The following SLC1A2 variants were observed in gnomAD, a reference collection of about 807,000 sequenced individuals.
The protein encoded by SLC1A2 is excitatory amino acid transporter 2.
A neutral mutation model predicts 48.8 loss-of-function variants in SLC1A2; 15 were observed. The ratio of observed to expected loss-of-function variants is 0.31; its 90% CI spans 0.21 to 0.47. SLC1A2 has a LOEUF of 0.47. Ranked by LOEUF, SLC1A2 falls within the 20% of genes least tolerant of loss-of-function variation. SLC1A2 has a pLI of 0.99. For synonymous variants in SLC1A2, 279 were observed against 272.6 expected (o/e 1.02, Z -0.23); for missense variants, 502 against 730.5 (o/e 0.69, Z 3.61).
chr11:35,306,574 CA>C (rs1591452037), intron 4 of SLC1A2, among the ~76,000 whole-genome samples: 2 of 152,118 alleles, frequency 1.3e-5, no homozygotes, highest in East Asian at 3.9e-4. Flanking sequence ...CATCTGAGTA[CA>C]ATGCATTTTT....
rs1950472125 is a variant in SLC1A2 at position 35,265,737 on chromosome 11, G to C, written c.1443C>G (p.Val481=). 1 of 1,612,594 alleles carries C rather than the reference G, an allele frequency of 6.2e-7. No individual in the cohort carries two copies. The highest frequency in any genetic ancestry group is 2.2e-5 in the East Asian group (1 of 44,886). The part of the protein sequence containing the change: ...DWLLDRMRTS[V]NVVGDSFGAG... ...CCCCAAAAGAGTCACCCACAACATT[G>C]ACTGAAGTTCTCATCCTGTCCCTGG... The change falls in exon 10 of 11, where the codon GTC becomes GTG. Residue 481 remains valine (V), a synonymous_variant. Transcript: ENST00000278379.
chr11:35,281,099 T>C, intron 8 of SLC1A2, 98 bp from the exon 9 acceptor site: 1 of 1,430,966 alleles, frequency 7.0e-7, no homozygotes, highest in Non-Finnish European at 9.2e-7. Context: ...AGCCATAAAA[T>C]TCATCCCCCA....
chr11:35,252,182 G>A lies in SLC1A2; in HGVS notation c.*8712C>T, dbSNP rs547850621. On this transcript the variant is annotated 3_prime_UTR_variant, in exon 11 of 11. Transcript: ENST00000278379. ...CTTTCGTAGGGTTTCACCTGCAGATGCATTTGCAGTTAGTTAGTCAGCAAT... is the reference window on the plus strand; with the variant it reads ...CTTTCGTAGGGTTTCACCTGCAGATACATTTGCAGTTAGTTAGTCAGCAAT... 2.0e-5 allele frequency: 3 copies of A among 152,596 alleles called. No individual in the cohort carries two copies. The highest frequency in any genetic ancestry group is 4.1e-4 in the South Asian group (2 of 4,832). 9.5% of individuals were successfully genotyped at this position (152,596 alleles called of 1,614,324 possible). A position where few individuals can be genotyped will look rare whatever the true frequency, so the allele number is the denominator to read the frequency against.
At chr11:35,344,616 C>T (rs1852962103) in intron 1 of SLC1A2, among the ~76,000 whole-genome samples, 1 of 152,164 alleles carries the variant, frequency 6.6e-6, no homozygotes, top group Non-Finnish European at 1.5e-5. Context: ...CTACTCCAAC[C>T]AGTTGTTGCT....
chr11:35,407,539 C>T (rs1855335908), intron 1 of SLC1A2, among the ~76,000 whole-genome samples: 1 of 152,210 alleles, frequency 6.6e-6, no homozygotes, highest in Non-Finnish European at 1.5e-5. Context: ...CTCTTGACTA[C>T]CATTTATGGA....
At chr11:35,285,393 CAA>C (rs948457352) in intron 8 of SLC1A2, 26 of 152,210 alleles carry the variant, frequency 1.7e-4, no homozygotes, top group African/African-American at 5.3e-4. Context: ...TCAGAGGAAC[CAA>C]AGAGTGGAGT....
At chr11:35,366,578 G>A (rs1275330796) in intron 1 of SLC1A2, among the ~76,000 whole-genome samples, 1 of 152,168 alleles carries the variant, frequency 6.6e-6, no homozygotes, top group East Asian at 1.9e-4. Context: ...GTCCACAGTG[G>A]TAGCTAGCTT....
chr11:35,265,464 T>TC (rs1297283435), intron 10 of SLC1A2, 63 bp downstream of exon 10: 1 of 853,564 alleles, frequency 1.2e-6, no homozygotes, highest in East Asian at 2.4e-5. Flanking sequence ...TTTTTTTTTT[T>TC]TTAAAGAAAT....
In SLC1A2 at chr11:35,265,663, G is replaced by A. The variant is rs1950470694; in HGVS notation, c.1517C>T (p.Ser506Phe). ...LSKSELDTID[S>F]QHRVHEDIEM... ...AATATCTTCATGCACTCGATGCTGGGAGTCAATGGTATCCAGCTCAGACTT... is the reference window on the plus strand; with the variant it reads ...AATATCTTCATGCACTCGATGCTGGAAGTCAATGGTATCCAGCTCAGACTT... Residue 506 changes from serine to phenylalanine, a missense_variant, in exon 10 of 11, where the codon TCC (serine) becomes TTC (phenylalanine). Transcript: ENST00000278379. 6.2e-7 allele frequency: 1 copy of A among 1,612,710 alleles called. No homozygotes were observed. Among genetic ancestry groups the A allele is most frequent in the African/African-American group, 1.3e-5 (1 of 74,902 alleles).
intron 1 of SLC1A2, among the ~76,000 whole-genome samples, chr11:35,328,302 C>T (rs1334491597): frequency 6.6e-6 from 1 of 152,206 alleles, no homozygotes; most frequent in Non-Finnish European, 1.5e-5. Context: ...ACTCCCCCAT[C>T]AGAGGGACCC....
intron 9 of SLC1A2, among the ~76,000 whole-genome samples, chr11:35,273,425 T>C (rs1359306555): frequency 6.6e-6 from 1 of 152,172 alleles, no homozygotes; most frequent in African/African-American, 2.4e-5. Context: ...AGCTTTCTCA[T>C]TCGTAACATA....
chr11:35,254,525 C>T lies in SLC1A2; in HGVS notation c.*6369G>A. On this transcript the variant is annotated 3_prime_UTR_variant, in exon 11 of 11. Coordinates refer to ENST00000278379, the MANE Select transcript of SLC1A2 (RefSeq NM_004171.4). Reference sequence around the variant, plus strand: ...TCCTTGGCTAGTGTGTGTATTTGCCCCCTAGCAAAGGCAACAGGCTGTTTC... The same window carrying T: ...TCCTTGGCTAGTGTGTGTATTTGCCTCCTAGCAAAGGCAACAGGCTGTTTC... 3.4e-6 allele frequency: 1 copy of T among 292,380 alleles called. No homozygotes were observed. The highest frequency in any genetic ancestry group is 6.7e-6 in the Non-Finnish European group (1 of 149,406). The allele number at this position is 292,380 out of a possible 1,614,324, so 18.1% of individuals were successfully genotyped here. A position where few individuals can be genotyped will look rare whatever the true frequency, so the allele number is the denominator to read the frequency against.
intron 7 of SLC1A2, among the ~76,000 whole-genome samples, chr11:35,289,097 T>C (rs971875040): frequency 6.6e-5 from 10 of 152,210 alleles, no homozygotes; most frequent in Non-Finnish European, 1.3e-4. Flanking sequence ...TTCTTTTGTT[T>C]TTTAAGTATT....
intron 1 of SLC1A2, chr11:35,322,732 G>A (rs1398876573): frequency 9.9e-7 from 1 of 1,007,446 alleles, no homozygotes; most frequent in Admixed American, 2.0e-5. Flanking sequence ...CCGTAAGACA[G>A]TTGTTGTATT....
intron 1 of SLC1A2, among the ~76,000 whole-genome samples, chr11:35,362,156 C>A (rs563977644): frequency 6.6e-6 from 1 of 152,184 alleles, no homozygotes; most frequent in South Asian, 2.1e-4. Context: ...CTACCCCAGA[C>A]AGCAGATGCC....
At chr11:35,280,135 T>C (rs1349997459) in intron 9 of SLC1A2, among the ~76,000 whole-genome samples, 1 of 152,142 alleles carries the variant, frequency 6.6e-6, no homozygotes, top group Non-Finnish European at 1.5e-5. Flanking sequence ...CCCCTATACC[T>C]GGCCCAAGAA....
At chr11:35,407,368 T>G (rs897697059) in intron 1 of SLC1A2, among the ~76,000 whole-genome samples, 1 of 152,186 alleles carries the variant, frequency 6.6e-6, no homozygotes, top group African/African-American at 2.4e-5. Flanking sequence ...TCTAACTCTT[T>G]CCTTCATCAG....
chr11:35,334,239 G>C (rs1193371606), intron 1 of SLC1A2, among the ~76,000 whole-genome samples: 1 of 152,132 alleles, frequency 6.6e-6, no homozygotes, highest in Admixed American at 6.5e-5. Flanking sequence ...TTTCTGAAGA[G>C]AGTGTTAAGA....
intron 1 of SLC1A2, among the ~76,000 whole-genome samples, chr11:35,408,774 CT>C (rs1186996546): frequency 6.6e-6 from 1 of 152,208 alleles, no homozygotes; most frequent in Non-Finnish European, 1.5e-5. Context: ...TTTTATTTGG[CT>C]GTTACATTCT....
Sources: allele counts gnomAD v4.1 joint callset (sites outside exome capture counted in the v4.1 genomes callset), GRCh38; gene constraint gnomAD v4.1.1; transcripts MANE v1.5; gene names NCBI Gene and HGNC (gene_info 2026-07-23, HGNC 2026-07-21).